The following CLHC1 variants were observed in gnomAD, a reference collection of about 807,000 sequenced individuals.
CLHC1 encodes the protein clathrin heavy chain linker domain containing 1.
CLHC1 carries 72 observed loss-of-function variants against 69.5 expected under a neutral mutation model. The ratio of observed to expected loss-of-function variants is 1.04; its 90% confidence interval spans 0.86 to 1.26. The LOEUF (loss-of-function observed/expected upper bound fraction) is 1.26. Ranked by LOEUF, CLHC1 falls within the 50% of genes most tolerant of loss-of-function variation. The probability of loss-of-function intolerance (pLI) is 0.00; values close to 1 mark genes in which losing one functional copy is unlikely to be tolerated. For synonymous variants in CLHC1, 223 were observed against 224.3 expected (o/e 0.99, Z 0.05); for missense variants, 790 against 679.3 (o/e 1.16, Z -1.81).
intron 9 of CLHC1, among the ~76,000 whole-genome samples, chr2:55,184,498 T>C (rs1018314551): frequency 6.6e-5 from 10 of 152,186 alleles, no homozygotes; most frequent in Admixed American, 1.3e-4. Context: ...AAAGATAACA[T>C]TGAAACAAAG....
At chr2:55,190,127 C>T (rs542215504) in intron 9 of CLHC1, among the ~76,000 whole-genome samples, 1 of 151,994 alleles carries the variant, frequency 6.6e-6, no homozygotes, top group South Asian at 2.1e-4. Context: ...TCACTGCAAG[C>T]TCTGCCTCCC....
At chr2:55,207,746 G>A (rs887995437) in intron 8 of CLHC1, among the ~76,000 whole-genome samples, 4 of 152,164 alleles carry the variant, frequency 2.6e-5, no homozygotes, top group African/African-American at 9.7e-5. Flanking sequence ...AAAAGGAATT[G>A]AAGATAGCAG....
chr2:55,175,986 T>A lies in CLHC1; in HGVS notation c.1565A>T (p.Asp522Val). The A allele has an allele frequency of 1.2e-6, 2 of 1,611,336 alleles. No individual in the cohort carries two copies. The highest frequency in any genetic ancestry group is 1.7e-4 in the Middle Eastern group (1 of 6,050). ...LLQEINKGGI[D>V]AVESLMINDS... Reference sequence around the variant, plus strand: ...ATTTATCATAAGACTTTCTACTGCATCTGTGGGGAAAAAATACAATATTAT... The same window carrying A: ...ATTTATCATAAGACTTTCTACTGCAACTGTGGGGAAAAAATACAATATTAT... The change falls in exon 13 of 13, where the codon GAT becomes GTT. Residue 522 changes from aspartate (D) to valine (V), a missense_variant and splice_region_variant. Asp to Val is a radical substitution (Grantham distance 152). Transcript: ENST00000401408.
intron 5 of CLHC1, among the ~76,000 whole-genome samples, chr2:55,210,189 ATTTTAT>A (rs1672849630): frequency 6.6e-6 from 1 of 150,866 alleles, no homozygotes; most frequent in South Asian, 2.1e-4. Context: ...ATTTTATTTT[ATTTTAT>A]TTTTATTTTT....
At chr2:55,181,278 G>A (rs1166971117) in intron 10 of CLHC1, among the ~76,000 whole-genome samples, 6 of 152,030 alleles carry the variant, frequency 3.9e-5, no homozygotes. Flanking sequence ...GCTGCACCTG[G>A]CCACCACGTC....
chr2:55,206,802 T>G (rs768870064), intron 8 of CLHC1: 1 of 182,900 alleles, frequency 5.5e-6, no homozygotes, highest in Non-Finnish European at 1.1e-5. Flanking sequence ...AAATATTAAT[T>G]GAAGATAGAA....
At chr2:55,181,830 T>G in intron 9 of CLHC1, 86 bp from the exon 10 acceptor site, 1 of 1,024,236 alleles carries the variant, frequency 9.8e-7, no homozygotes, top group South Asian at 1.5e-5. Context: ...TTTGTGCCTT[T>G]GCTTTTCTAA....
chr2:55,180,596 T>A lies in CLHC1; in HGVS notation c.1298A>T (p.His433Leu), dbSNP rs769476993. 5.0e-6 allele frequency: 8 copies of A among 1,614,104 alleles called. No individual in the cohort carries two copies. Among genetic ancestry groups the A allele is most frequent in the Non-Finnish European group, 6.8e-6 (8 of 1,179,972 alleles). Reference protein sequence around the residue: ...AQIVYSECGLHKKAILCLCKQ... With the variant: ...AQIVYSECGLLKKAILCLCKQ... ...ACACAAGCAAAGAATAGCTTTCTTG[T>A]GCAGGCCACATTCACTGTAGACAAT... Residue 433 changes from histidine (H) to leucine (L), a missense_variant, in exon 11 of 13, where the codon CAC (histidine) becomes CTC (leucine). By Grantham distance (99) the His-to-Leu change is moderately conservative. Transcript: ENST00000401408.
chr2:55,185,628 A>G (rs529818917), intron 9 of CLHC1, among the ~76,000 whole-genome samples: 19 of 152,290 alleles, frequency 1.2e-4, no homozygotes, highest in African/African-American at 4.3e-4. Context: ...TAGATAATCA[A>G]TTTTGTTGAA....
At chr2:55,203,712 G>A (rs1038556653) in intron 9 of CLHC1, among the ~76,000 whole-genome samples, 11 of 152,020 alleles carry the variant, frequency 7.2e-5, no homozygotes, top group Non-Finnish European at 1.5e-4. Flanking sequence ...AACCATACAA[G>A]AAAACATTGG....
Position 55,222,252 on chromosome 2 carries a change from G to C in CLHC1, c.160C>G (p.Arg54Gly). 6.2e-7 allele frequency: 1 copy of C among 1,611,694 alleles called. No homozygotes were observed. Among genetic ancestry groups the C allele is most frequent in the Non-Finnish European group, 8.5e-7 (1 of 1,178,484 alleles). Residue 54 changes from arginine to glycine, a missense_variant, in exon 3 of 13, where the codon CGA becomes GGA. Coordinates refer to ENST00000401408, the MANE Select transcript of CLHC1 (RefSeq NM_152385.4). ...TATGATACCTTATCAAAAACATTTC[G>C]GTATATGATGTAATATTCATCAGCA... is the stretch of plus-strand genomic sequence containing the variant. ...GPADEYYIIY[R>G]NVFDKVIEHI...
At chr2:55,230,441 T>C (rs1322008409) in intron 1 of CLHC1, among the ~76,000 whole-genome samples, 1 of 152,210 alleles carries the variant, frequency 6.6e-6, no homozygotes, top group East Asian at 1.9e-4. Flanking sequence ...GATAGCTGGA[T>C]ATGTGAAGAT....
chr2:55,203,451 A>C (rs1279289660), intron 9 of CLHC1, among the ~76,000 whole-genome samples: 1 of 152,204 alleles, frequency 6.6e-6, no homozygotes, highest in East Asian at 1.9e-4. Flanking sequence ...CGGTAATGGA[A>C]TAAAAACAGA....
At chr2:55,203,278 A>G (rs1398453414) in intron 9 of CLHC1, among the ~76,000 whole-genome samples, 1 of 152,200 alleles carries the variant, frequency 6.6e-6, no homozygotes, top group Non-Finnish European at 1.5e-5. Flanking sequence ...TCAAAATACC[A>G]TGAAATTCTT....
intron 9 of CLHC1, 37 bp downstream of exon 9, chr2:55,206,233 T>G: frequency 8.2e-7 from 1 of 1,225,568 alleles, no homozygotes; most frequent in East Asian, 2.3e-5. Flanking sequence ...AGTAGTAAAT[T>G]TTCATACATA....
At chr2:55,230,246 A>G (rs35183885) in intron 1 of CLHC1, among the ~76,000 whole-genome samples, 8,178 of 152,310 alleles carry the variant, frequency 0.054, 253 homozygotes, top group African/African-American at 0.071. Context: ...TTCTGCATAT[A>G]TTTTGAAAAT....
intron 9 of CLHC1, among the ~76,000 whole-genome samples, chr2:55,193,966 C>A (rs1671165346): frequency 6.6e-6 from 1 of 152,144 alleles, no homozygotes. Flanking sequence ...CATGCTACAG[C>A]ATGAACAAAC....
intron 8 of CLHC1, among the ~76,000 whole-genome samples, chr2:55,207,818 C>T (rs376809862): frequency 1.7e-4 from 26 of 152,202 alleles, no homozygotes; most frequent in Non-Finnish European, 3.1e-4. Context: ...GAAGTAAATA[C>T]GGCAAAATGT....
intron 8 of CLHC1, among the ~76,000 whole-genome samples, chr2:55,207,370 G>A (rs551782340): frequency 7.2e-5 from 11 of 152,200 alleles, no homozygotes; most frequent in South Asian, 2.1e-4. Context: ...AGCCCCAGGC[G>A]GAAAACCCAC....
Sources: gnomAD v4.1 joint callset for allele counts (sites outside exome capture counted in the v4.1 genomes callset) on GRCh38, gnomAD v4.1.1 for gene constraint, MANE v1.5 for transcripts, NCBI Gene and HGNC (gene_info 2026-07-23, HGNC 2026-07-21) for gene names.